TRHDE: variants seen among roughly 807,000 people sequenced by gnomAD.
TRHDE encodes the protein thyrotropin-releasing hormone-degrading ectoenzyme.
Under a neutral mutation model 125.7 loss-of-function variants are expected in TRHDE, and 72 were observed. The ratio of observed to expected loss-of-function variants is 0.57; its 90% CI spans 0.47 to 0.70. The LOEUF is 0.70. Ranked by LOEUF, TRHDE falls within the 30% of genes least tolerant of loss-of-function variation. The pLI is 0.00. For missense variants in TRHDE, 1,110 were observed against 1,327.1 expected (o/e 0.84, Z 2.54); for synonymous variants, 509 against 509.1 (o/e 1.00, Z 0.00).
chr12:72,145,272 G>A (rs1248190601), intron 2 of TRHDE, among the ~76,000 whole-genome samples: 1 of 152,068 alleles, frequency 6.6e-6, no homozygotes, highest in Non-Finnish European at 1.5e-5. Flanking sequence ...CTTTTTTGTA[G>A]AAATATAATA....
At chr12:72,580,667 C>T (rs1432244774) in intron 12 of TRHDE, among the ~76,000 whole-genome samples, 3 of 152,230 alleles carry the variant, frequency 2.0e-5, no homozygotes, top group Admixed American at 6.5e-5. Context: ...TCTTGAACTG[C>T]TGACCTCAGG....
intron 2 of TRHDE, among the ~76,000 whole-genome samples, chr12:72,371,090 T>C (rs557884168): frequency 1.8e-4 from 28 of 152,230 alleles, no homozygotes; most frequent in African/African-American, 6.5e-4. Flanking sequence ...CAGTAATCCC[T>C]TTACGGTCAC....
At position 72,220,717 on chromosome 12, in the gene TRHDE, G is replaced by A. The variant is rs141906804; in HGVS notation, n.279+114965G>A. The stretch of plus-strand genomic sequence containing the variant: ...ATTTTGCTTGAACCTCTTTGAAGAC[G>A]TTTAACATGGAGTTTTATACTATAG... On this transcript the variant is annotated intron_variant and non_coding_transcript_variant, in intron 2 of 4. Transcript: ENST00000548156. Among the ~76,000 whole-genome samples the A allele has an allele frequency of 5.7e-3, 868 of 152,124 alleles. 5 individuals are homozygous for A. Among genetic ancestry groups the A allele is most frequent in the Middle Eastern group, 0.014 (4 of 294 alleles).
At chr12:72,309,369 TGCTGAATAGAAAAA>T (rs922086230) in intron 2 of TRHDE, among the ~76,000 whole-genome samples, 6 of 152,254 alleles carry the variant, frequency 3.9e-5, no homozygotes, top group African/African-American at 1.4e-4. Context: ...ATGTGTTATG[TGCTGAATAGAAAAA>T]GCAGTGGAAA....
chr12:72,437,840 A>G (rs926178938), intron 3 of TRHDE, among the ~76,000 whole-genome samples: 6 of 151,790 alleles, frequency 4.0e-5, no homozygotes, highest in African/African-American at 1.4e-4. Context: ...ATTATTAACT[A>G]TGGTCACCAT....
chr12:72,443,216 G>C (rs1344236520), intron 3 of TRHDE, among the ~76,000 whole-genome samples: 2 of 151,416 alleles, frequency 1.3e-5, no homozygotes, highest in Admixed American at 6.6e-5. Context: ...GTGTGTGTGT[G>C]TGTGTGTGTG....
chr12:72,207,551 C>CAA (rs1365309233), intron 2 of TRHDE, among the ~76,000 whole-genome samples: 4 of 152,076 alleles, frequency 2.6e-5, no homozygotes, highest in Admixed American at 1.3e-4. Context: ...GCAATAATTA[C>CAA]AAAAATAAAC....
At chr12:72,229,959 G>A (rs1297551815) in intron 2 of TRHDE, among the ~76,000 whole-genome samples, 1 of 152,068 alleles carries the variant, frequency 6.6e-6, no homozygotes, top group Non-Finnish European at 1.5e-5. Flanking sequence ...TAAGAGACAT[G>A]GGAAAATAAA....
chr12:72,651,400 C>A (rs903289030), intron 15 of TRHDE, among the ~76,000 whole-genome samples: 2 of 151,862 alleles, frequency 1.3e-5, no homozygotes, highest in African/African-American at 4.8e-5. Flanking sequence ...GGTCCTAAAT[C>A]TTTAGAAGGC....
intron 2 of TRHDE, among the ~76,000 whole-genome samples, chr12:72,333,871 C>T (rs1288914351): frequency 6.6e-6 from 1 of 152,140 alleles, no homozygotes; most frequent in African/African-American, 2.4e-5. Context: ...TTTAAAAAAG[C>T]ATTATTATGC....
intron 3 of TRHDE, among the ~76,000 whole-genome samples, chr12:72,446,636 T>C (rs1212092423): frequency 6.6e-6 from 1 of 152,012 alleles, no homozygotes; most frequent in Non-Finnish European, 1.5e-5. Flanking sequence ...GAGACACACA[T>C]AGGCTCAAAA....
At chr12:72,271,897 G>A (rs1322136732), upstream of TRHDE, 4 of 456,352 alleles carry the variant, frequency 8.8e-6, no homozygotes, top group Non-Finnish European at 1.8e-5. Context: ...CTGGAATGAG[G>A]GAGTCTCGCT....
chr12:72,294,872 G>T (rs1275510762), intron 2 of TRHDE, among the ~76,000 whole-genome samples: 1 of 151,996 alleles, frequency 6.6e-6, no homozygotes, highest in Admixed American at 6.6e-5. Flanking sequence ...GTGGCAGGGA[G>T]CTGGAGTGTC....
chr12:72,447,060 T>C (rs1875324004), intron 3 of TRHDE, among the ~76,000 whole-genome samples: 2 of 152,146 alleles, frequency 1.3e-5, no homozygotes, highest in African/African-American at 4.8e-5. Context: ...CAACAGAATA[T>C]ACATTCTTCT....
rs758871633 is a variant in TRHDE, at chr12:72,621,136, C to T, written c.2498C>T (p.Thr833Ile). ...TATATTTTAAAGCAAGTTGCAACAA[C>T]ATATATCAAGCTTGGGTGGCCGAAA... ...NEYILKQVATTYIKLGWPKNN... is the reference protein window; with the variant it reads ...NEYILKQVATIYIKLGWPKNN... The change falls in exon 14 of 19, where the codon ACA becomes ATA. Residue 833 changes from threonine (T) to isoleucine (I), a missense_variant. Physicochemically the swap from Thr to Ile is moderately conservative, Grantham distance 89. Around this residue, in one of 5 missense-constraint regions of TRHDE, gnomAD observed 527 missense variants for 651.8 expected, o/e 0.81. Transcript: ENST00000261180. 6.2e-6 allele frequency: 10 copies of T among 1,611,104 alleles called. No homozygotes were observed. In the African/African-American group the frequency reaches 1.2e-4, roughly 19 times the overall value.
chr12:72,572,609 G>A (rs1022354244), intron 10 of TRHDE, among the ~76,000 whole-genome samples: 4 of 151,912 alleles, frequency 2.6e-5, no homozygotes, highest in Admixed American at 1.3e-4. Context: ...CAGCGATCTC[G>A]TTTGTAACAA....
At chr12:72,261,532 G>A (rs997676077) in intron 2 of TRHDE, among the ~76,000 whole-genome samples, 1 of 152,142 alleles carries the variant, frequency 6.6e-6, no homozygotes, top group African/African-American at 2.4e-5. Context: ...TTTGGCTTTT[G>A]AAAATGGAAT....
At chr12:72,613,562 A>G (rs1198195935) in intron 12 of TRHDE, among the ~76,000 whole-genome samples, 1 of 152,190 alleles carries the variant, frequency 6.6e-6, no homozygotes, top group Non-Finnish European at 1.5e-5. Flanking sequence ...TAGGTTCTGC[A>G]TTAGTCTGTG....
At chr12:72,327,954 C>T (rs1251785325) in intron 2 of TRHDE, among the ~76,000 whole-genome samples, 1 of 152,112 alleles carries the variant, frequency 6.6e-6, no homozygotes, top group Non-Finnish European at 1.5e-5. Context: ...GGGCAAGCAG[C>T]CCAGTTTTAG....
Sources: gnomAD v4.1 joint callset for allele counts (sites outside exome capture counted in the v4.1 genomes callset) on GRCh38, gnomAD v4.1.1 for gene constraint, gnomAD v4.1.1 regional missense constraint, MANE v1.5 for transcripts, NCBI Gene and HGNC (gene_info 2026-07-23, HGNC 2026-07-21) for gene names.